HIF3A: variants seen among roughly 807,000 people sequenced by gnomAD.
HIF3A encodes the protein hypoxia inducible factor 3 subunit alpha, also known as hypoxia-inducible factor 3-alpha.
Under a neutral mutation model 67.2 loss-of-function variants are expected in HIF3A, and 41 were observed. The ratio of observed to expected loss-of-function variants is 0.61; its 90% CI spans 0.48 to 0.79. The LOEUF is 0.79. HIF3A is among the 30% of genes least tolerant of loss of function. The probability of loss-of-function intolerance (pLI) is 0.00; values close to 1 mark genes in which losing one functional copy is unlikely to be tolerated. For synonymous variants in HIF3A, 356 were observed against 374.8 expected (o/e 0.95, Z 0.58); for missense variants, 855 against 898.0 (o/e 0.95, Z 0.61).
At chr19:46,309,422 C>A in intron 6 of HIF3A, 63 bp downstream of exon 6, 1 of 1,023,950 alleles carries the variant, frequency 9.8e-7, no homozygotes, top group Non-Finnish European at 1.4e-6. Flanking sequence ...CCCACCTCCA[C>A]ACTCCCGCAT....
chr19:46,332,103 G>T (rs1380487133), intron 13 of HIF3A, among the ~76,000 whole-genome samples: 1 of 152,130 alleles, frequency 6.6e-6, no homozygotes, highest in Non-Finnish European at 1.5e-5. Context: ...CCTTGGGCAG[G>T]TTACGTCACC....
At chr19:46,325,461 A>T (rs1359908900) in intron 10 of HIF3A, 74 bp from the exon 11 acceptor site, 2 of 1,031,968 alleles carry the variant, frequency 1.9e-6, no homozygotes, top group East Asian at 4.8e-5. Flanking sequence ...TCTACCCTTG[A>T]GCTGCAGACT....
In HIF3A at chr19:46,339,640, T is replaced by A; in HGVS notation, c.*18T>A. ...CTGACTGAGCCGGCTCCTCTCCCCATCTGCCTTCTCCTCCCCCAGAAAGGA... is the reference window on the plus strand; with the variant it reads ...CTGACTGAGCCGGCTCCTCTCCCCAACTGCCTTCTCCTCCCCCAGAAAGGA... On this transcript the variant is annotated 3_prime_UTR_variant, in exon 15 of 15. Transcript: ENST00000377670. 1 of 1,556,906 alleles carries A rather than the reference T, an allele frequency of 6.4e-7. No individual in the cohort carries two copies. Among genetic ancestry groups the A allele is most frequent in the East Asian group, 2.3e-5 (1 of 43,870 alleles).
At chr19:46,324,828 T>G (rs2147251420) in intron 10 of HIF3A, among the ~76,000 whole-genome samples, 1 of 150,776 alleles carries the variant, frequency 6.6e-6, no homozygotes, top group African/African-American at 2.4e-5. Context: ...CACTCCAACC[T>G]GGGTGACAGA....
chr19:46,324,963 T>TACACACAC (rs144306130), intron 10 of HIF3A, among the ~76,000 whole-genome samples: 9 of 133,028 alleles, frequency 6.8e-5, no homozygotes, highest in Non-Finnish European at 1.4e-4. Context: ...TATATACACA[T>TACACACAC]ACACACACAC....
chr19:46,304,005 G>C lies in HIF3A; in HGVS notation c.134G>C (p.Arg45Pro). ...CTGGCTCACACGCTGCCCTTCGCCC[G>C]CGGCGTCAGCGCCCACCTGGACAAG... ...YQLAHTLPFA[R>P]GVSAHLDKAS... Residue 45 changes from arginine to proline, a missense_variant, in exon 2 of 15, where the codon CGC becomes CCC. By Grantham distance (103) the Arg-to-Pro change is moderately radical (BLOSUM62 -2). Transcript: ENST00000377670. The C allele has an allele frequency of 6.3e-7, 1 of 1,594,046 alleles. No individual in the cohort carries two copies. Among genetic ancestry groups the C allele is most frequent in the Non-Finnish European group, 8.5e-7 (1 of 1,171,148 alleles).
At chr19:46,299,434 G>A (rs1190891766) in intron 1 of HIF3A, among the ~76,000 whole-genome samples, 1 of 152,178 alleles carries the variant, frequency 6.6e-6, no homozygotes, top group Admixed American at 6.5e-5. Context: ...TGGAAATACG[G>A]GCAGGCCGGG....
At chr19:46,301,339 A>T (rs983399410) in intron 1 of HIF3A, among the ~76,000 whole-genome samples, 1 of 152,126 alleles carries the variant, frequency 6.6e-6, no homozygotes, top group Non-Finnish European at 1.5e-5. Flanking sequence ...GAATTTAAGA[A>T]GGGACAGTGT....
intron 10 of HIF3A, among the ~76,000 whole-genome samples, chr19:46,324,879 C>T (rs942636223): frequency 1.4e-5 from 2 of 146,746 alleles, no homozygotes; most frequent in Admixed American, 6.8e-5. Flanking sequence ...GCCTCAAGCT[C>T]ATGTTTTTAT....
At chr19:46,312,137 G>A in intron 6 of HIF3A, 24 bp from the exon 7 acceptor site, 1 of 1,590,406 alleles carries the variant, frequency 6.3e-7, no homozygotes, top group Non-Finnish European at 8.6e-7. Context: ...ATCCTGACCA[G>A]ACCCCACTCC....
At position 46,331,209 on chromosome 19, in the gene HIF3A, T is replaced by C; in HGVS notation, c.1766T>C (p.Val589Ala). The C allele has an allele frequency of 6.2e-7, 1 of 1,613,904 alleles. No individual in the cohort carries two copies. The highest frequency in any genetic ancestry group is 8.5e-7 in the Non-Finnish European group (1 of 1,179,940). ...DEDEGVELLG[V>A]RPPKRSPSPE... Reference sequence around the variant, plus strand: ...GACGAGGGAGTGGAGCTGCTGGGAGTGAGACCTCCCAAAAGGTCCCCCAGC... The same window carrying C: ...GACGAGGGAGTGGAGCTGCTGGGAGCGAGACCTCCCAAAAGGTCCCCCAGC... Residue 589 changes from valine to alanine, a missense_variant, in exon 13 of 15, where the codon GTG becomes GCG. Coordinates refer to ENST00000377670, the MANE Select transcript of HIF3A (RefSeq NM_152795.4).
Position 46,339,674 on chromosome 19 carries a change from A to C in HIF3A, c.*52A>C. On this transcript the variant is annotated 3_prime_UTR_variant, in exon 15 of 15. Transcript: ENST00000377670. Reference sequence around the variant, plus strand: ...TCCTCCCCCAGAAAGGACCTCAACCACACTCCACGCCGGCAGCCAACGCAC... The same window carrying C: ...TCCTCCCCCAGAAAGGACCTCAACCCCACTCCACGCCGGCAGCCAACGCAC... 1.5e-6 allele frequency: 2 copies of C among 1,350,240 alleles called. No homozygotes were observed. The highest frequency in any genetic ancestry group is 2.4e-5 in the East Asian group (1 of 42,028). The allele number at this position is 1,350,240 out of a possible 1,614,324, so 83.6% of individuals were successfully genotyped here.
chr19:46,309,079 G>A (rs759299), intron 5 of HIF3A, 72 bp from the exon 6 acceptor site: 425,465 of 1,288,004 alleles, frequency 0.33, 71,501 homozygotes, highest in African/African-American at 0.45. Flanking sequence ...CCCTCAGGAC[G>A]CATCTTCCAA....
chr19:46,324,999 G>GTA (rs1307645737), intron 10 of HIF3A, among the ~76,000 whole-genome samples: 2 of 144,982 alleles, frequency 1.4e-5, no homozygotes, highest in African/African-American at 5.2e-5. Flanking sequence ...GTGTGTGTGT[G>GTA]TGTGTGTGTG....
intron 6 of HIF3A, chr19:46,310,706 G>A: frequency 2.4e-6 from 1 of 412,022 alleles, no homozygotes; most frequent in South Asian, 1.7e-5. Flanking sequence ...GTTTCCCGGT[G>A]CAAAGCACAA....
intron 8 of HIF3A, 77 bp downstream of exon 8, chr19:46,312,730 T>TGTGTGTGTGC (rs1969556699): frequency 1.9e-5 from 28 of 1,508,424 alleles, no homozygotes; most frequent in Middle Eastern, 2.2e-4. Flanking sequence ...TGTGTGTGTG[T>TGTGTGTGTGC]GTGTGTGCGT....
intron 6 of HIF3A, chr19:46,310,603 A>G (rs1460827510): frequency 1.8e-5 from 8 of 455,996 alleles, no homozygotes; most frequent in Non-Finnish European, 3.5e-5. Context: ...CCTTAGCCAA[A>G]TGACTTCACC....
chr19:46,312,820 T>C (rs1969569338), intron 8 of HIF3A, 167 bp downstream of exon 8: 1 of 1,348,402 alleles, frequency 7.4e-7, no homozygotes, highest in Non-Finnish European at 9.5e-7. Flanking sequence ...TGTGTCACCA[T>C]GTAAATGCCG....
intron 8 of HIF3A, among the ~76,000 whole-genome samples, chr19:46,315,723 G>T (rs1029664881): frequency 1.3e-5 from 2 of 152,100 alleles, no homozygotes; most frequent in African/African-American, 4.8e-5. Flanking sequence ...AGACCAGCCT[G>T]GCCAACATGG....
Sources: gnomAD v4.1 joint callset for allele counts (sites outside exome capture counted in the v4.1 genomes callset) on GRCh38, gnomAD v4.1.1 for gene constraint, MANE v1.5 for transcripts, NCBI Gene and HGNC (gene_info 2026-07-23, HGNC 2026-07-21) for gene names.